Variants in KLHL2 observed in about 807,000 individuals in gnomAD.
KLHL2 encodes kelch like family member 2, also known as kelch-like protein 2.
A neutral mutation model predicts 75.8 loss-of-function variants in KLHL2; 15 were observed. The observed-to-expected ratio is 0.20, with a 90% CI of 0.13 to 0.30. The LOEUF is 0.30. Among genes scored for constraint, KLHL2 ranks in the 10% least tolerant of loss-of-function variants. KLHL2 has a pLI of 1.00. For synonymous variants in KLHL2, 214 were observed against 251.9 expected (o/e 0.85, Z 1.42); for missense variants, 381 against 741.0 (o/e 0.51, Z 5.64).
chr4:165,293,248 G>A (rs1340379324), intron 5 of KLHL2, among the ~76,000 whole-genome samples: 2 of 152,106 alleles, frequency 1.3e-5, no homozygotes, highest in Non-Finnish European at 2.9e-5. Context: ...AGGACGTATC[G>A]GATATTAAAC....
chr4:165,243,340 A>G (rs2111125051), intron 4 of KLHL2, among the ~76,000 whole-genome samples: 1 of 152,362 alleles, frequency 6.6e-6, no homozygotes, highest in South Asian at 2.1e-4. Context: ...AACAAAGGTA[A>G]TGCTGTTAAT....
chr4:165,313,620 G>GT (rs1289193578), intron 12 of KLHL2, among the ~76,000 whole-genome samples: 3 of 152,002 alleles, frequency 2.0e-5, no homozygotes, highest in Non-Finnish European at 4.4e-5. Flanking sequence ...ACTCCTTTTA[G>GT]TTTTTTGTTT....
chr4:165,299,063 CTT>C, intron 7 of KLHL2, among the ~76,000 whole-genome samples: 1 of 151,242 alleles, frequency 6.6e-6, no homozygotes, highest in African/African-American at 2.4e-5. Context: ...TTTCTAATCT[CTT>C]TTTGGGATAT....
chr4:165,277,742 G>T, intron 5 of KLHL2: 1 of 515,992 alleles, frequency 1.9e-6, no homozygotes, highest in Non-Finnish European at 3.4e-6. Context: ...AACTGTGGAT[G>T]TTAAAAACAC....
chr4:165,252,719 G>GT (rs1389519219), intron 4 of KLHL2: 5 of 152,284 alleles, frequency 3.3e-5, no homozygotes, highest in Admixed American at 3.3e-4. Context: ...TTTAAAATAA[G>GT]TTTATCAATG....
chr4:165,290,659 A>G (rs1190118872), intron 5 of KLHL2, among the ~76,000 whole-genome samples: 1 of 152,198 alleles, frequency 6.6e-6, no homozygotes, highest in African/African-American at 2.4e-5. Flanking sequence ...GCAATTAATC[A>G]TGATGGCTTT....
chr4:165,291,704 A>G (rs374307965), intron 5 of KLHL2, among the ~76,000 whole-genome samples: 43 of 152,264 alleles, frequency 2.8e-4, no homozygotes, highest in African/African-American at 9.9e-4. Flanking sequence ...CTTGGTATCC[A>G]CATCCATGGG....
chr4:165,275,582 T>C (rs191049573), intron 5 of KLHL2, among the ~76,000 whole-genome samples: 88 of 152,310 alleles, frequency 5.8e-4, no homozygotes, highest in African/African-American at 2.0e-3. Context: ...TAACTGATCT[T>C]TGGGGAAGTT....
chr4:165,302,666 T>A (rs1745432098), intron 8 of KLHL2, among the ~76,000 whole-genome samples: 1 of 152,186 alleles, frequency 6.6e-6, no homozygotes, highest in African/African-American at 2.4e-5. Flanking sequence ...TGTATTTTTA[T>A]AAGGGCTGTC....
chr4:165,250,597 C>G (rs764001430), intron 4 of KLHL2, among the ~76,000 whole-genome samples: 1 of 152,184 alleles, frequency 6.6e-6, no homozygotes, highest in Non-Finnish European at 1.5e-5. Flanking sequence ...TTCTGTTTCT[C>G]AGCTATTAAA....
intron 5 of KLHL2, among the ~76,000 whole-genome samples, chr4:165,285,046 A>G (rs1387010108): frequency 6.6e-6 from 1 of 152,200 alleles, no homozygotes; most frequent in Non-Finnish European, 1.5e-5. Flanking sequence ...CATGGGAATT[A>G]TGGGAGTTAC....
Position 165,207,808 on chromosome 4 carries a change from C to A in KLHL2, c.-69C>A, listed in dbSNP as rs1736927651. 3 of 1,355,746 alleles carry A rather than the reference C, an allele frequency of 2.2e-6. No individual in the cohort carries two copies. The highest frequency in any genetic ancestry group is 1.5e-5 in the African/African-American group (1 of 65,014). 84.0% of individuals were successfully genotyped at this position (1,355,746 alleles called of 1,614,324 possible). Reference sequence around the variant, plus strand: ...CGGCTCGGCGGGCGGGCAGTGCCGGCGTCCGCGGCTGGAATGGTGCTGGCT... The same window carrying A: ...CGGCTCGGCGGGCGGGCAGTGCCGGAGTCCGCGGCTGGAATGGTGCTGGCT... On this transcript the variant is annotated 5_prime_UTR_variant, in exon 1 of 15. Coordinates refer to ENST00000226725, the MANE Select transcript of KLHL2 (RefSeq NM_007246.4). The surrounding 1 kb of genome is among the most constrained non-coding windows in gnomAD (Gnocchi z 4.2).
chr4:165,308,888 G>C (rs1745938167), intron 9 of KLHL2, among the ~76,000 whole-genome samples: 1 of 152,140 alleles, frequency 6.6e-6, no homozygotes, highest in Non-Finnish European at 1.5e-5. Flanking sequence ...GCCAAAACAG[G>C]CAACTTCATC....
intron 4 of KLHL2, among the ~76,000 whole-genome samples, chr4:165,247,197 C>T (rs1317450938): frequency 6.6e-6 from 1 of 152,160 alleles, no homozygotes; most frequent in East Asian, 1.9e-4. Flanking sequence ...GTTTACTTTA[C>T]TCAGAAATGT....
chr4:165,233,590 C>CT (rs1273576924), intron 3 of KLHL2, among the ~76,000 whole-genome samples: 14 of 152,174 alleles, frequency 9.2e-5, no homozygotes, highest in African/African-American at 3.4e-4. Flanking sequence ...TTATGTTTGT[C>CT]TAAGATTCAT....
chr4:165,210,894 G>GT (rs987500211), intron 1 of KLHL2, among the ~76,000 whole-genome samples: 3 of 152,104 alleles, frequency 2.0e-5, no homozygotes, highest in African/African-American at 7.2e-5. Flanking sequence ...CTTGGCACTT[G>GT]TTTTTTTACT....
At chr4:165,301,172 A>C (rs1360294848) in intron 8 of KLHL2, among the ~76,000 whole-genome samples, 2 of 152,230 alleles carry the variant, frequency 1.3e-5, no homozygotes, top group Admixed American at 1.3e-4. Context: ...AAGCCAAAAT[A>C]AGTAGTTTGG....
intron 4 of KLHL2, among the ~76,000 whole-genome samples, chr4:165,255,319 A>G (rs1317140163): frequency 2.6e-5 from 4 of 152,134 alleles, no homozygotes; most frequent in Admixed American, 2.6e-4. Flanking sequence ...AAACCCCTAG[A>G]AGGGATTTAT....
chr4:165,292,745 C>T (rs1053314310), intron 5 of KLHL2, among the ~76,000 whole-genome samples: 3 of 152,046 alleles, frequency 2.0e-5, no homozygotes, highest in Non-Finnish European at 2.9e-5. Flanking sequence ...TGTTGAAATA[C>T]ATATTTGAAA....
Sources: gnomAD v4.1 joint callset for allele counts (sites outside exome capture counted in the v4.1 genomes callset) on GRCh38, gnomAD v4.1.1 for gene constraint, Gnocchi (gnomAD v3.1) non-coding constraint, MANE v1.5 for transcripts, NCBI Gene and HGNC (gene_info 2026-07-23, HGNC 2026-07-21) for gene names.